Variants in ELOVL7 observed in about 807,000 individuals in gnomAD.
ELOVL7 encodes ELOVL fatty acid elongase 7.
Under a neutral mutation model 35.7 loss-of-function variants are expected in ELOVL7, and 27 were observed. That is an observed-to-expected ratio of 0.76 (90% CI 0.56 to 1.04). ELOVL7 has a LOEUF of 1.04. Among genes scored for constraint, ELOVL7 ranks in the 50% least tolerant of loss-of-function variants. The probability of loss-of-function intolerance (pLI) is 0.00; values close to 1 mark genes in which losing one functional copy is unlikely to be tolerated. For missense variants in ELOVL7, 327 were observed against 340.8 expected (o/e 0.96, Z 0.32); for synonymous variants, 113 against 114.6 (o/e 0.99, Z 0.09).
At chr5:60,791,324 G>T (rs1743923652) in intron 2 of ELOVL7, among the ~76,000 whole-genome samples, 1 of 152,004 alleles carries the variant, frequency 6.6e-6, no homozygotes, top group South Asian at 2.1e-4. Context: ...CCAATTTATG[G>T]GTACATACAG....
At chr5:60,840,668 T>G (rs146879596) in intron 1 of ELOVL7, among the ~76,000 whole-genome samples, 4 of 152,326 alleles carry the variant, frequency 2.6e-5, no homozygotes, top group African/African-American at 9.6e-5. Context: ...AGAGAGAAGT[T>G]AGGTAAAATG....
intron 7 of ELOVL7, among the ~76,000 whole-genome samples, chr5:60,760,480 G>T (rs1309324703): frequency 1.3e-5 from 2 of 152,094 alleles, no homozygotes; most frequent in African/African-American, 4.8e-5. Flanking sequence ...ACTTTTTGAT[G>T]GGGTTGTTTG....
At chr5:60,760,203 G>A (rs536805573) in intron 7 of ELOVL7, among the ~76,000 whole-genome samples, 1 of 152,200 alleles carries the variant, frequency 6.6e-6, no homozygotes, top group Non-Finnish European at 1.5e-5. Context: ...AGATCCCTGA[G>A]GAATCGCCAC....
intron 1 of ELOVL7, among the ~76,000 whole-genome samples, chr5:60,802,964 G>A (rs569347277): frequency 6.6e-6 from 1 of 152,226 alleles, no homozygotes; most frequent in Admixed American, 6.5e-5. Flanking sequence ...CATTTTTACG[G>A]AAAAAGACAG....
chr5:60,803,691 T>C (rs1328557917), intron 1 of ELOVL7, among the ~76,000 whole-genome samples: 1 of 152,202 alleles, frequency 6.6e-6, no homozygotes, highest in Non-Finnish European at 1.5e-5. Flanking sequence ...TGAACTCATG[T>C]TGTTCTGATG....
chr5:60,783,664 A>T (rs944075734), intron 3 of ELOVL7, among the ~76,000 whole-genome samples: 6 of 152,216 alleles, frequency 3.9e-5, no homozygotes, highest in African/African-American at 1.2e-4. Context: ...TCCTAAGCTC[A>T]AATAATGAGA....
chr5:60,808,601 C>T (rs1175337597), intron 1 of ELOVL7, among the ~76,000 whole-genome samples: 1 of 152,136 alleles, frequency 6.6e-6, no homozygotes, highest in Non-Finnish European at 1.5e-5. Context: ...TAGCATATGA[C>T]CCAGCAATTT....
At chr5:60,763,850 C>G (rs1199845816) in intron 7 of ELOVL7, among the ~76,000 whole-genome samples, 1 of 152,156 alleles carries the variant, frequency 6.6e-6, no homozygotes, top group Non-Finnish European at 1.5e-5. Context: ...AGCATTCTAA[C>G]TTCCTGGGAG....
chr5:60,798,153 C>G (rs951350657), intron 2 of ELOVL7, among the ~76,000 whole-genome samples: 10 of 152,162 alleles, frequency 6.6e-5, no homozygotes, highest in African/African-American at 2.4e-4. Flanking sequence ...CACATGTTGT[C>G]AGGACCTCCT....
intron 1 of ELOVL7, among the ~76,000 whole-genome samples, chr5:60,804,684 G>A (rs1744830430): frequency 6.6e-6 from 1 of 152,204 alleles, no homozygotes; most frequent in South Asian, 2.1e-4. Context: ...TAGAACAAGT[G>A]CTTAAGAAAT....
rs568608108 is a variant in ELOVL7, at chr5:60,821,083, A to G, written c.-85-21853T>C. 2.0e-5 allele frequency among the ~76,000 whole-genome samples: 3 copies of G among 152,246 alleles called. No individual in the cohort carries two copies. In the South Asian group the frequency reaches 6.2e-4, roughly 32 times the overall value. Reference sequence around the variant, plus strand: ...GTCTTTGTGTGGCCAAGATTACTGAAATCACCTTTCAACTAACTTTCCTAA... The same window carrying G: ...GTCTTTGTGTGGCCAAGATTACTGAGATCACCTTTCAACTAACTTTCCTAA... On this transcript the variant is annotated intron_variant, in intron 1 of 8. Coordinates refer to ENST00000508821, the MANE Select transcript of ELOVL7 (RefSeq NM_024930.3).
intron 1 of ELOVL7, among the ~76,000 whole-genome samples, chr5:60,812,217 C>A (rs1395406221): frequency 6.6e-6 from 1 of 151,992 alleles, no homozygotes; most frequent in East Asian, 1.9e-4. Flanking sequence ...AAGATCCTAT[C>A]TCTCAAAATA....
At chr5:60,821,813 T>A (rs1200481449) in intron 1 of ELOVL7, among the ~76,000 whole-genome samples, 2 of 152,268 alleles carry the variant, frequency 1.3e-5, no homozygotes, top group Non-Finnish European at 2.9e-5. Flanking sequence ...AAGTATGTGA[T>A]GCTTGTTGAA....
rs559223745 is a variant in ELOVL7, at chr5:60,754,515, T to C, written c.*109A>G. 1 of 962,280 alleles carries C rather than the reference T, an allele frequency of 1.0e-6. No individual in the cohort carries two copies. The highest frequency in any genetic ancestry group is 1.7e-5 in the South Asian group (1 of 57,966). The allele number at this position is 962,280 out of a possible 1,614,324, so 59.6% of individuals were successfully genotyped here. On this transcript the variant is annotated 3_prime_UTR_variant, in exon 9 of 9. Transcript: ENST00000508821. ...ACATCCCAATAACTTACCATAAAAA[T>C]ACAAGCTCTTAGTTTTGAAAAATAT...
chr5:60,826,662 A>C (rs1039746598), intron 1 of ELOVL7, among the ~76,000 whole-genome samples: 1 of 152,148 alleles, frequency 6.6e-6, no homozygotes, highest in Non-Finnish European at 1.5e-5. Flanking sequence ...ACAAAATCTC[A>C]CTCATTCTAA....
chr5:60,824,894 C>A lies in ELOVL7; in HGVS notation c.-86+19266G>T, dbSNP rs573835706. On this transcript the variant is annotated intron_variant, in intron 1 of 8. Coordinates refer to ENST00000508821, the MANE Select transcript of ELOVL7 (RefSeq NM_024930.3). The stretch of plus-strand genomic sequence containing the variant: ...AAAGTCAAAGTTCTTATAATGGGCT[C>A]CACGGCCTTACATGATCTGGGCCCT... Among the ~76,000 whole-genome samples the A allele has an allele frequency of 5.0e-4, 76 of 152,236 alleles. 3 individuals are homozygous for A. The South Asian group carries it at 0.016, about 32-fold the overall frequency.
intron 1 of ELOVL7, among the ~76,000 whole-genome samples, chr5:60,813,503 G>A (rs1745351311): frequency 6.6e-6 from 1 of 151,956 alleles, no homozygotes; most frequent in South Asian, 2.1e-4. Context: ...TCCACTATCT[G>A]ACTCCACTCT....
intron 1 of ELOVL7, among the ~76,000 whole-genome samples, chr5:60,817,424 T>C (rs1316090104): frequency 6.6e-6 from 1 of 151,532 alleles, no homozygotes; most frequent in Non-Finnish European, 1.5e-5. Context: ...GCCAAGACCA[T>C]AAAGTCTGAT....
intron 1 of ELOVL7, among the ~76,000 whole-genome samples, chr5:60,818,319 G>C (rs1315412927): frequency 2.8e-5 from 2 of 70,578 alleles, no homozygotes; most frequent in Non-Finnish European, 5.1e-5. Flanking sequence ...TTCCATCTCA[G>C]AAAAAAAAAA....
Sources: gnomAD v4.1 joint callset for allele counts (sites outside exome capture counted in the v4.1 genomes callset) on GRCh38, gnomAD v4.1.1 for gene constraint, MANE v1.5 for transcripts, NCBI Gene and HGNC (gene_info 2026-07-23, HGNC 2026-07-21) for gene names.